Variants in PCDH11X observed in about 807,000 individuals in gnomAD.
The protein encoded by PCDH11X is protocadherin 11 X-linked, also known as protocadherin-11 X-linked.
PCDH11X carries 18 observed loss-of-function variants against 53.3 expected under a neutral mutation model. The ratio of observed to expected loss-of-function variants is 0.34; its 90% confidence interval spans 0.23 to 0.50. PCDH11X has a LOEUF of 0.50. PCDH11X is among the 20% of genes least tolerant of loss of function. The pLI, the probability that PCDH11X is intolerant of heterozygous loss-of-function variation, is 0.98. For synonymous variants in PCDH11X, 279 were observed against 393.3 expected, an observed-to-expected ratio of 0.71 and a Z score of 3.44; for missense variants, 570 against 1,032.4, an observed-to-expected ratio of 0.55 and a Z score of 6.14.
intron 6 of PCDH11X, among the ~76,000 whole-genome samples, chrX:91,971,581 A>C (rs1179409513): frequency 1.8e-5 from 2 of 111,847 alleles, no homozygotes; most frequent in African/African-American, 6.5e-5. Flanking sequence ...TTTGGTTCTT[A>C]AAAAACAGTC....
At chrX:92,257,982 C>G (rs2067631727) in intron 7 of PCDH11X, among the ~76,000 whole-genome samples, 1 of 112,449 alleles carries the variant, frequency 8.9e-6, no homozygotes, top group Admixed American at 9.4e-5. Context: ...CTGGAGCAGG[C>G]TTCTTCCTGG....
chrX:91,838,423 C>A (rs185371877), intron 5 of PCDH11X, among the ~76,000 whole-genome samples: 57 of 111,487 alleles, frequency 5.1e-4, no homozygotes, highest in African/African-American at 1.8e-3. Flanking sequence ...GCCCCGTGGA[C>A]AAATACTGTT....
intron 7 of PCDH11X, among the ~76,000 whole-genome samples, chrX:92,204,909 C>T (rs1403554733): frequency 9.0e-6 from 1 of 111,157 alleles, no homozygotes; most frequent in Non-Finnish European, 1.9e-5. Context: ...AGGAGGATTC[C>T]CCTTATAAAA....
intron 10 of PCDH11X, among the ~76,000 whole-genome samples, chrX:92,491,073 C>T (rs919338463): frequency 3.0e-5 from 3 of 101,525 alleles, no homozygotes; most frequent in African/African-American, 6.8e-5. Flanking sequence ...TGAACTGAAA[C>T]AGGTCTAACT....
intron 10 of PCDH11X, among the ~76,000 whole-genome samples, chrX:92,490,963 T>C (rs1028254264): frequency 1.9e-5 from 2 of 107,757 alleles, no homozygotes; most frequent in African/African-American, 6.7e-5. Context: ...CAAATGACTA[T>C]AATTAACTAC....
chrX:92,445,456 G>T (rs1262419328), intron 9 of PCDH11X, among the ~76,000 whole-genome samples: 4 of 102,984 alleles, frequency 3.9e-5, no homozygotes, highest in Non-Finnish European at 7.9e-5. Flanking sequence ...AAAAAAAAAT[G>T]ATATAAATAC....
intron 10 of PCDH11X, among the ~76,000 whole-genome samples, chrX:92,538,745 G>A (rs748628231): frequency 1.0e-5 from 1 of 100,479 alleles, no homozygotes; most frequent in East Asian, 3.3e-4. Flanking sequence ...GTTTTGAAAA[G>A]TGTTGCAGTT....
chrX:92,282,995 T>C (rs1403201306), intron 8 of PCDH11X, among the ~76,000 whole-genome samples: 4 of 111,336 alleles, frequency 3.6e-5, no homozygotes, highest in African/African-American at 1.3e-4. Context: ...TCGAATTTAT[T>C]GAGCTCATGT....
At chrX:91,965,846 CA>C (rs1212905935) in intron 6 of PCDH11X, among the ~76,000 whole-genome samples, 1 of 111,404 alleles carries the variant, frequency 9.0e-6, no homozygotes, top group Non-Finnish European at 1.9e-5. Context: ...AAAGTGTCCC[CA>C]AAACAGCAGG....
At chrX:92,340,488 C>T (rs1279102011) in intron 8 of PCDH11X, among the ~76,000 whole-genome samples, 1 of 112,189 alleles carries the variant, frequency 8.9e-6, no homozygotes, top group Non-Finnish European at 1.9e-5. Flanking sequence ...GAAATCTAGG[C>T]AGACGATCCC....
intron 8 of PCDH11X, among the ~76,000 whole-genome samples, chrX:92,337,372 G>A (rs1006615654): frequency 2.7e-5 from 3 of 109,121 alleles, no homozygotes; most frequent in African/African-American, 1.0e-4. Flanking sequence ...TAAGTTAATA[G>A]ACCTCTGGTT....
intron 10 of PCDH11X, among the ~76,000 whole-genome samples, chrX:92,504,484 G>A (rs1328644939): frequency 3.6e-5 from 4 of 111,625 alleles, no homozygotes; most frequent in African/African-American, 9.8e-5. Context: ...TCATGTATAT[G>A]TACCACATTT....
At chrX:92,230,103 T>C (rs1173119365) in intron 7 of PCDH11X, among the ~76,000 whole-genome samples, 3 of 110,269 alleles carry the variant, frequency 2.7e-5, no homozygotes, top group African/African-American at 9.9e-5. Flanking sequence ...GAAATTTGGA[T>C]AATATTAGAG....
chrX:92,017,072 G>A (rs1208322415), intron 6 of PCDH11X, among the ~76,000 whole-genome samples: 2 of 100,948 alleles, frequency 2.0e-5, no homozygotes, highest in Admixed American at 1.1e-4. Flanking sequence ...GCCAGTTCAC[G>A]TCGCAGTCAG....
chrX:92,285,964 C>A (rs1408278683), intron 8 of PCDH11X, among the ~76,000 whole-genome samples: 2 of 112,617 alleles, frequency 1.8e-5, no homozygotes. Flanking sequence ...GCTGCAGGAA[C>A]ATGTCCTTAA....
intron 7 of PCDH11X, among the ~76,000 whole-genome samples, chrX:92,252,332 T>C (rs1452294467): frequency 9.1e-6 from 1 of 110,241 alleles, no homozygotes; most frequent in Non-Finnish European, 1.9e-5. Flanking sequence ...ATGGAATACC[T>C]GCATTAGCAA....
chrX:91,877,747 T>C lies in PCDH11X; in HGVS notation c.1507T>C (p.Tyr503His). Residue 503 changes from tyrosine (Y) to histidine (H), a missense_variant, in exon 6 of 11, where the codon TAC becomes CAC. Physicochemically the swap from Tyr to His is moderately conservative, Grantham distance 83. Around this residue, in one of 6 missense-constraint regions of PCDH11X, gnomAD observed 226 missense variants for 457.5 expected, o/e 0.49. Transcript: ENST00000682573. ...CAGTGGGCCTAATGCTAAGATCAAT[T>C]ACCTGCTAGGCCCTGATGCTCCACC... Reference protein sequence around the residue: ...ADSGPNAKINYLLGPDAPPEF... With the variant: ...ADSGPNAKINHLLGPDAPPEF... 1 of 1,211,555 alleles carries C rather than the reference T, an allele frequency of 8.3e-7. No individual in the cohort carries two copies. The highest frequency in any genetic ancestry group is 1.1e-6 in the Non-Finnish European group (1 of 895,401).
chrX:92,050,684 A>G (rs2063355743), intron 6 of PCDH11X, among the ~76,000 whole-genome samples: 1 of 109,485 alleles, frequency 9.1e-6, no homozygotes, highest in African/African-American at 3.3e-5. Flanking sequence ...TAAGTGTAAC[A>G]TATACTTTGT....
At chrX:92,289,440 T>C (rs1269040170) in intron 8 of PCDH11X, among the ~76,000 whole-genome samples, 2 of 112,086 alleles carry the variant, frequency 1.8e-5, no homozygotes, top group Non-Finnish European at 3.8e-5. Context: ...TAAATAACTG[T>C]ATTTTCATGA....
Sources: allele counts gnomAD v4.1 joint callset (sites outside exome capture counted in the v4.1 genomes callset), GRCh38; gene constraint gnomAD v4.1.1; regional missense constraint gnomAD v4.1.1; transcripts MANE v1.5; gene names NCBI Gene and HGNC (gene_info 2026-07-23, HGNC 2026-07-21).